The following ADCY2 variants were observed in gnomAD, a reference collection of about 807,000 sequenced individuals.
ADCY2 encodes adenylate cyclase type 2.
In ADCY2, 31 loss-of-function variants were observed where a neutral mutation model predicts 125.2. The ratio of observed to expected loss-of-function variants is 0.25; its 90% CI spans 0.19 to 0.33. ADCY2 has a LOEUF of 0.33. Ranked by LOEUF, ADCY2 falls within the 10% of genes least tolerant of loss-of-function variation. The pLI is 1.00. For synonymous variants in ADCY2, 512 were observed against 548.4 expected (o/e 0.93, Z 0.93); for missense variants, 904 against 1,418.2 (o/e 0.64, Z 5.82).
At chr5:7,737,593 A>G (rs1341215784) in intron 14 of ADCY2, among the ~76,000 whole-genome samples, 1 of 152,210 alleles carries the variant, frequency 6.6e-6, no homozygotes, top group Admixed American at 6.5e-5. Flanking sequence ...AGTCTCTAAG[A>G]GATGGATAGA....
chr5:7,759,894 G>A (rs1743138752), intron 16 of ADCY2, among the ~76,000 whole-genome samples: 1 of 138,320 alleles, frequency 7.2e-6, no homozygotes, highest in Admixed American at 7.6e-5. Flanking sequence ...AGGGTATTCT[G>A]CCTGAAGAAT....
chr5:7,562,372 T>G (rs1735733500), intron 3 of ADCY2, among the ~76,000 whole-genome samples: 1 of 152,142 alleles, frequency 6.6e-6, no homozygotes, highest in Admixed American at 6.6e-5. Flanking sequence ...ATAAAAGTGG[T>G]GAGAGTGAGC....
intron 1 of ADCY2, among the ~76,000 whole-genome samples, chr5:7,399,406 G>T (rs1739181513): frequency 6.6e-6 from 1 of 152,124 alleles, no homozygotes; most frequent in South Asian, 2.1e-4. Flanking sequence ...GCTTCATTTT[G>T]ATTTAATATT....
chr5:7,536,374 C>A (rs1195630785), intron 3 of ADCY2, among the ~76,000 whole-genome samples: 2 of 152,092 alleles, frequency 1.3e-5, no homozygotes, highest in African/African-American at 4.8e-5. Flanking sequence ...TGGATGGATC[C>A]CAGCCAAGAA....
At chr5:7,700,255 T>C (rs1020711647) in intron 7 of ADCY2, among the ~76,000 whole-genome samples, 2 of 152,208 alleles carry the variant, frequency 1.3e-5, no homozygotes, top group African/African-American at 4.8e-5. Context: ...AAGATTTGCT[T>C]ATATAGGATA....
chr5:7,576,362 G>A (rs59172989), intron 3 of ADCY2, among the ~76,000 whole-genome samples: 4,283 of 152,308 alleles, frequency 0.028, 188 homozygotes, highest in African/African-American at 0.097. Context: ...GCAGAGGCCC[G>A]TTAATTACAG....
intron 5 of ADCY2, among the ~76,000 whole-genome samples, chr5:7,694,197 G>C (rs1326960260): frequency 6.6e-6 from 1 of 152,188 alleles, no homozygotes; most frequent in African/African-American, 2.4e-5. Context: ...GCAGAGTATG[G>C]CCAACAGCAG....
chr5:7,563,797 T>C (rs1735804275), intron 3 of ADCY2, among the ~76,000 whole-genome samples: 1 of 152,232 alleles, frequency 6.6e-6, no homozygotes, highest in African/African-American at 2.4e-5. Flanking sequence ...TCTCTTCATG[T>C]CCTAAGGTTT....
chr5:7,454,512 A>G (rs865812335), intron 2 of ADCY2, among the ~76,000 whole-genome samples: 12 of 152,310 alleles, frequency 7.9e-5, no homozygotes, highest in African/African-American at 2.6e-4. Context: ...TTTATCCTTG[A>G]TTCCTATCTT....
intron 16 of ADCY2, among the ~76,000 whole-genome samples, chr5:7,765,181 A>G (rs1743341300): frequency 6.6e-6 from 1 of 152,182 alleles, no homozygotes; most frequent in South Asian, 2.1e-4. Context: ...GTGATATATA[A>G]TCAAGAAGTT....
chr5:7,518,803 C>T (rs983894129), intron 2 of ADCY2, among the ~76,000 whole-genome samples: 5 of 152,074 alleles, frequency 3.3e-5, no homozygotes, highest in Non-Finnish European at 7.4e-5. Context: ...TGTCTCCTCC[C>T]GGTGAGGGCA....
In ADCY2 at chr5:7,543,278, A is replaced by T. The variant is rs1198210566; in HGVS notation, c.570+22379A>T. ...CATCATTAAAATAAATATGTTCACC[A>T]TAATGCTATTATAGTACAGTATCTG... On this transcript the variant is annotated intron_variant, in intron 3 of 24. Transcript: ENST00000338316. Among the ~76,000 whole-genome samples the T allele has an allele frequency of 2.0e-5, 3 of 152,214 alleles. No individual in the cohort carries two copies. The East Asian group carries it at 5.8e-4, about 29-fold the overall frequency.
intron 9 of ADCY2, among the ~76,000 whole-genome samples, chr5:7,708,655 A>G (rs1333507494): frequency 6.6e-6 from 1 of 152,190 alleles, no homozygotes; most frequent in Non-Finnish European, 1.5e-5. Context: ...AACTTTATGG[A>G]CATTTACTTA....
At chr5:7,646,133 C>T (rs867302157) in intron 4 of ADCY2, among the ~76,000 whole-genome samples, 4 of 151,380 alleles carry the variant, frequency 2.6e-5, no homozygotes, top group Non-Finnish European at 2.9e-5. Flanking sequence ...TTAAAAAAAA[C>T]GTTGGAAGCA....
intron 2 of ADCY2, among the ~76,000 whole-genome samples, chr5:7,512,975 T>G (rs1398845732): frequency 6.6e-6 from 1 of 152,044 alleles, no homozygotes; most frequent in Non-Finnish European, 1.5e-5. Flanking sequence ...TGTATACTTG[T>G]GGGTCCGCCT....
intron 3 of ADCY2, among the ~76,000 whole-genome samples, chr5:7,557,946 A>G (rs1003085669): frequency 6.6e-6 from 1 of 152,180 alleles, no homozygotes; most frequent in Non-Finnish European, 1.5e-5. Flanking sequence ...CAGAATTGCC[A>G]CATTGTCTTG....
chr5:7,631,502 C>G (rs2126663769), intron 4 of ADCY2, among the ~76,000 whole-genome samples: 1 of 152,290 alleles, frequency 6.6e-6, no homozygotes, highest in Middle Eastern at 3.4e-3. Context: ...CATGGGTTTT[C>G]TGGTCTGATC....
rs1029198402 is a variant in ADCY2 at position 7,545,263 on chromosome 5, C to T, written c.570+24364C>T. On this transcript the variant is annotated intron_variant, in intron 3 of 24. Coordinates refer to ENST00000338316, the MANE Select transcript of ADCY2 (RefSeq NM_020546.3). ...CATGCCCCTCCACTTGGTGTCCTCA[C>T]GCATCCCTCTCTACAGTGCTTCTGG... Among the ~76,000 whole-genome samples, 4 of 152,332 alleles carry T rather than the reference C, an allele frequency of 2.6e-5. No homozygotes were observed. The South Asian group carries it at 6.2e-4, about 24-fold the overall frequency.
Position 7,736,142 on chromosome 5 carries a change from C to T in ADCY2, c.1872-7526C>T, listed in dbSNP as rs115496821. 7.4e-3 allele frequency among the ~76,000 whole-genome samples: 1,131 copies of T among 152,246 alleles called. 12 individuals carry two copies. Among genetic ancestry groups the T allele is most frequent in the African/African-American group, 0.026 (1,060 of 41,558 alleles). On this transcript the variant is annotated intron_variant, in intron 14 of 24. Transcript: ENST00000338316. ...GGCTGAGGCAGGAGGATGGCTGTAGCCCGGGAAGTAGAGGCTGCAGTTAGC... is the reference window on the plus strand; with the variant it reads ...GGCTGAGGCAGGAGGATGGCTGTAGTCCGGGAAGTAGAGGCTGCAGTTAGC...
Sources: allele counts gnomAD v4.1 joint callset (sites outside exome capture counted in the v4.1 genomes callset), GRCh38; gene constraint gnomAD v4.1.1; transcripts MANE v1.5; gene names NCBI Gene and HGNC (gene_info 2026-07-23, HGNC 2026-07-21).